ADCK2: variants seen among roughly 807,000 people sequenced by gnomAD.
ADCK2 encodes the protein uncharacterized aarF domain-containing protein kinase 2.
In ADCK2, 37 loss-of-function variants were observed where a neutral mutation model predicts 52.3. That is an observed-to-expected ratio of 0.71 (90% CI 0.54 to 0.93). The LOEUF is 0.93. Among genes scored for constraint, ADCK2 ranks in the 40% least tolerant of loss-of-function variants. The pLI is 0.00. For synonymous variants in ADCK2, 321 were observed against 349.2 expected (o/e 0.92, Z 0.90); for missense variants, 695 against 798.7 (o/e 0.87, Z 1.56).
At chr7:140,676,681 T>C (rs1794424581) in intron 2 of ADCK2, among the ~76,000 whole-genome samples, 1 of 152,232 alleles carries the variant, frequency 6.6e-6, no homozygotes, top group Non-Finnish European at 1.5e-5. Flanking sequence ...GGGTATAGTG[T>C]GTGAGTGTCT....
In ADCK2 at chr7:140,693,285, C is replaced by T. The variant is rs149512005; in HGVS notation, c.1741-1378C>T. Among the ~76,000 whole-genome samples the T allele has an allele frequency of 1.7e-4, 26 of 152,324 alleles. No homozygotes were observed. The highest frequency in any genetic ancestry group is 4.8e-4 in the African/African-American group (20 of 41,588). The stretch of plus-strand genomic sequence containing the variant: ...GGTGTTAGAGCCCTGGGTTCCCACC[C>T]GGACCAGAGCCTGTGTGGCCAATCT... On this transcript the variant is annotated intron_variant, in intron 7 of 7. Coordinates refer to ENST00000072869, the MANE Select transcript of ADCK2 (RefSeq NM_052853.4). This position sits in a 1 kb window ranked among gnomAD's most constrained non-coding sequence, Gnocchi z 4.0.
Position 140,673,858 on chromosome 7 carries a change from CCA to C in ADCK2, c.530_531del (p.His177ProfsTer6). ...FSKLHVRVTP[H>X]PWTHTERFLR... is the part of the protein sequence containing the mutation. The stretch of plus-strand genomic sequence containing the variant: ...CCAAGCTGCATGTCCGAGTGACGCC[CCA>C]CCCGTGGACTCACACTGAGCGCTTC... On this transcript the variant is annotated frameshift_variant, in exon 1 of 8. Transcript: ENST00000072869. LOFTEE classifies it high-confidence loss of function. The surrounding 1 kb of genome is among the most constrained non-coding windows in gnomAD (Gnocchi z 6.4). 6.2e-7 allele frequency: 1 copy of C among 1,614,036 alleles called. No homozygotes were observed. The highest frequency in any genetic ancestry group is 8.5e-7 in the Non-Finnish European group (1 of 1,180,046).
chr7:140,677,183 G>C (rs1794433527), intron 2 of ADCK2, among the ~76,000 whole-genome samples: 3 of 152,128 alleles, frequency 2.0e-5, no homozygotes, highest in Non-Finnish European at 4.4e-5. Flanking sequence ...GGCGTCAGGT[G>C]GATCACTTGA....
rs763688624 is a variant in ADCK2, at chr7:140,687,136, C to T, written c.1452C>T (p.Leu484=). The change falls in exon 5 of 8, where the codon CTC becomes CTT. Residue 484 remains leucine (L), a synonymous_variant. Transcript: ENST00000072869. The part of the protein sequence containing the change: ...DTLVVAVPSS[L]CPLRLVLLDA... ...TGGTGGTGGCCGTGCCATCTTCCCT[C>T]TGCCCGCTGCGACTGGTGCTGCTGG... The T allele has an allele frequency of 6.8e-6, 11 of 1,613,454 alleles. No homozygotes were observed. Among genetic ancestry groups the T allele is most frequent in the Non-Finnish European group, 9.3e-6 (11 of 1,179,752 alleles).
rs370679915 is a variant in ADCK2, at chr7:140,674,289, C to T, written c.933+26C>T. ...GTAAGTGTTGTGAGAGCTCACAGCT[C>T]ACCTACCCACTGAGCTATCCCAGAT... On this transcript the variant is annotated intron_variant, in intron 1 of 7. Coordinates refer to ENST00000072869, the MANE Select transcript of ADCK2 (RefSeq NM_052853.4). This position sits in a 1 kb window ranked among gnomAD's most constrained non-coding sequence, Gnocchi z 4.6. 116 of 1,582,176 alleles carry T rather than the reference C, an allele frequency of 7.3e-5. No homozygotes were observed. Among genetic ancestry groups the T allele is most frequent in the Admixed American group, 2.1e-4 (12 of 56,406 alleles).
chr7:140,684,457 G>A (rs1050006843), intron 4 of ADCK2, among the ~76,000 whole-genome samples: 14 of 152,134 alleles, frequency 9.2e-5, no homozygotes, highest in African/African-American at 2.4e-5. Context: ...GGACTTTCTG[G>A]TGGTTGGGAC....
intron 3 of ADCK2, 134 bp downstream of exon 3, chr7:140,679,417 T>C (rs1794477972): frequency 7.4e-7 from 1 of 1,342,836 alleles, no homozygotes; most frequent in Non-Finnish European, 1.0e-6. Flanking sequence ...AGCTGGGATG[T>C]GTTGGCCTCG....
intron 4 of ADCK2, among the ~76,000 whole-genome samples, chr7:140,683,578 C>G (rs1585848962): frequency 6.6e-6 from 1 of 152,166 alleles, no homozygotes; most frequent in Non-Finnish European, 1.5e-5. Flanking sequence ...TTGGTTTTGT[C>G]TTTCCTGTGT....
intron 2 of ADCK2, among the ~76,000 whole-genome samples, chr7:140,676,924 G>C (rs1229374775): frequency 3.9e-5 from 6 of 152,152 alleles, no homozygotes; most frequent in Non-Finnish European, 8.8e-5. Context: ...TCAGGAGGCT[G>C]AGGTGGGAGA....
In ADCK2 at chr7:140,673,635, G is replaced by T; in HGVS notation, c.305G>T (p.Arg102Leu). The T allele has an allele frequency of 2.5e-6, 4 of 1,609,830 alleles. No homozygotes were observed. Among genetic ancestry groups the T allele is most frequent in the South Asian group, 1.1e-5 (1 of 91,060 alleles). The change falls in exon 1 of 8, where the codon CGC (arginine) becomes CTC (leucine). Residue 102 changes from arginine (R) to leucine (L), a missense_variant. Coordinates refer to ENST00000072869, the MANE Select transcript of ADCK2 (RefSeq NM_052853.4). The surrounding 1 kb of genome is among the most constrained non-coding windows in gnomAD (Gnocchi z 6.4). Reference sequence around the variant, plus strand: ...TTCCTGCATCTCCGCCTCTGGCTTCGCGCCGGCGCTCTGTTGGTGAAATTC... The same window carrying T: ...TTCCTGCATCTCCGCCTCTGGCTTCTCGCCGGCGCTCTGTTGGTGAAATTC... ...GVFLHLRLWL[R>L]AGALLVKFFP...
chr7:140,694,285 A>AAAAT (rs1187479550), intron 7 of ADCK2, among the ~76,000 whole-genome samples: 5 of 152,330 alleles, frequency 3.3e-5, no homozygotes, highest in Non-Finnish European at 7.4e-5. Context: ...CCCTGTCTCT[A>AAAAT]AAATAAATAA....
chr7:140,683,596 C>T (rs750749288), intron 4 of ADCK2, among the ~76,000 whole-genome samples: 51 of 152,236 alleles, frequency 3.4e-4, no homozygotes, highest in African/African-American at 3.6e-4. Context: ...TGTCTACCAG[C>T]GAGGATTCTG....
At chr7:140,686,861 T>C in intron 4 of ADCK2, 129 bp from the exon 5 acceptor site, 2 of 1,233,152 alleles carry the variant, frequency 1.6e-6, no homozygotes, top group South Asian at 1.4e-5. Context: ...GAAGGGTCTA[T>C]AGGACATGCA....
Position 140,686,962 on chromosome 7 carries a change from A to C in ADCK2, c.1306-28A>C, listed in dbSNP as rs1396386576. 3 of 1,602,472 alleles carry C rather than the reference A, an allele frequency of 1.9e-6. No homozygotes were observed. The South Asian group carries it at 3.3e-5, about 18-fold the overall frequency. ...GTTGGTGGTGCTCTAGGGGCGACTC[A>C]CTCATGAGCATTGTGATCTCCTTCC... On this transcript the variant is annotated intron_variant, in intron 4 of 7. Coordinates refer to ENST00000072869, the MANE Select transcript of ADCK2 (RefSeq NM_052853.4).
Position 140,694,981 on chromosome 7 carries a change from G to C in ADCK2, c.*178G>C, listed in dbSNP as rs1250886375. On this transcript the variant is annotated 3_prime_UTR_variant, in exon 8 of 8. Coordinates refer to ENST00000072869, the MANE Select transcript of ADCK2 (RefSeq NM_052853.4). ...TTGAGGGTCTGTTCAAAAGCTTTGG[G>C]CCAATTAGGGAGTAAAAGGAGGGAA... 1.5e-6 allele frequency: 2 copies of C among 1,343,274 alleles called. No homozygotes were observed. The highest frequency in any genetic ancestry group is 1.9e-6 in the Non-Finnish European group (2 of 1,050,044). The allele number at this position is 1,343,274 out of a possible 1,614,324, so 83.2% of individuals were successfully genotyped here. A position where few individuals can be genotyped will look rare whatever the true frequency, so the allele number is the denominator to read the frequency against.
chr7:140,691,711 G>A (rs1294191695), intron 7 of ADCK2, among the ~76,000 whole-genome samples: 2 of 152,238 alleles, frequency 1.3e-5, no homozygotes, highest in African/African-American at 2.4e-5. Flanking sequence ...GGAGGACCTC[G>A]TTGGAAGATG....
At chr7:140,694,012 G>A (rs1446301053) in intron 7 of ADCK2, among the ~76,000 whole-genome samples, 2 of 152,188 alleles carry the variant, frequency 1.3e-5, no homozygotes, top group Non-Finnish European at 2.9e-5. Context: ...CCCGGCCTGT[G>A]TGTTGTCTCT....
intron 5 of ADCK2, among the ~76,000 whole-genome samples, chr7:140,688,911 A>G (rs1382362025): frequency 1.3e-5 from 2 of 152,200 alleles, no homozygotes; most frequent in Admixed American, 6.5e-5. Context: ...CTGGCAAAGA[A>G]TTCTCCAGCA....
rs1051536136 is a variant in ADCK2, at chr7:140,693,172, T to A, written c.1741-1491T>A. On this transcript the variant is annotated intron_variant, in intron 7 of 7. Transcript: ENST00000072869. The surrounding 1 kb of genome is among the most constrained non-coding windows in gnomAD (Gnocchi z 4.0). ...TCAGGTAGCACTTAATTTTTTTAAA[T>A]AAAGTATTTGACAGTAACACAGAGA... 7.9e-5 allele frequency among the ~76,000 whole-genome samples: 12 copies of A among 152,220 alleles called. No individual in the cohort carries two copies. The highest frequency in any genetic ancestry group is 1.8e-4 in the Non-Finnish European group (12 of 68,044).
Sources: gnomAD v4.1 joint callset for allele counts (sites outside exome capture counted in the v4.1 genomes callset) on GRCh38, gnomAD v4.1.1 for gene constraint, Gnocchi (gnomAD v3.1) non-coding constraint, MANE v1.5 for transcripts, NCBI Gene and HGNC (gene_info 2026-07-23, HGNC 2026-07-21) for gene names.